Variants in SESN1 observed in about 807,000 individuals in gnomAD.
The protein encoded by SESN1 is sestrin-1.
Under a neutral mutation model 59.3 loss-of-function variants are expected in SESN1, and 30 were observed. The ratio of observed to expected loss-of-function variants is 0.51; its 90% confidence interval spans 0.38 to 0.69. The LOEUF is 0.69. SESN1 is among the 30% of genes least tolerant of loss of function. The pLI, the probability that SESN1 is intolerant of heterozygous loss-of-function variation, is 0.00. For missense variants in SESN1, 566 were observed against 673.0 expected (o/e 0.84, Z 1.76); for synonymous variants, 197 against 219.9 (o/e 0.90, Z 0.92).
At chr6:109,085,332 T>G (rs1781194761) in intron 1 of SESN1, among the ~76,000 whole-genome samples, 1 of 151,948 alleles carries the variant, frequency 6.6e-6, no homozygotes, top group African/African-American at 2.4e-5. Flanking sequence ...ATCCTGGCTA[T>G]CATGGTGAAA....
rs1032225855 is a variant in SESN1, at chr6:109,094,238, T to C, written c.-165A>G. On this transcript the variant is annotated 5_prime_UTR_variant, in exon 1 of 10. Coordinates refer to ENST00000436639, the MANE Select transcript of SESN1 (RefSeq NM_014454.3). The stretch of plus-strand genomic sequence containing the variant: ...TGGAACCACTGGTGCCTTCAGCCGA[T>C]CTACAAGCTAGGTCACCCTCTCACC... 1.4e-6 allele frequency: 1 copy of C among 698,054 alleles called. No individual in the cohort carries two copies. The highest frequency in any genetic ancestry group is 2.4e-6 in the Non-Finnish European group (1 of 424,786). The allele number at this position is 698,054 out of a possible 1,614,324, so 43.2% of individuals were successfully genotyped here.
intron 1 of SESN1, among the ~76,000 whole-genome samples, chr6:109,033,276 A>C (rs1340829279): frequency 6.6e-6 from 1 of 152,192 alleles, no homozygotes; most frequent in Admixed American, 6.5e-5. Context: ...GTGGAAATGA[A>C]ATGAAGTAAA....
At chr6:109,063,898 A>C (rs923255190) in intron 1 of SESN1, among the ~76,000 whole-genome samples, 1 of 152,174 alleles carries the variant, frequency 6.6e-6, no homozygotes, top group Non-Finnish European at 1.5e-5. Flanking sequence ...CCTTTAAAAA[A>C]AAAAGAAAAA....
At chr6:109,093,698 A>T in intron 1 of SESN1, 97 bp downstream of exon 1, 2 of 1,235,744 alleles carry the variant, frequency 1.6e-6, no homozygotes, top group Non-Finnish European at 2.3e-6. Flanking sequence ...ATAAAAGTTT[A>T]CATAACAACC....
At chr6:109,093,700 A>C (rs139379265) in intron 1 of SESN1, 95 bp downstream of exon 1, 202 of 1,261,696 alleles carry the variant, frequency 1.6e-4, no homozygotes, top group Non-Finnish European at 2.0e-4. Flanking sequence ...AAAAGTTTAC[A>C]TAACAACCTA....
intron 1 of SESN1, among the ~76,000 whole-genome samples, chr6:109,033,201 C>T (rs1159263417): frequency 6.6e-6 from 1 of 151,972 alleles, no homozygotes; most frequent in Non-Finnish European, 1.5e-5. Flanking sequence ...TAAAGACACA[C>T]TTTAAGCTAA....
chr6:109,016,984 C>T (rs1011487), intron 1 of SESN1, among the ~76,000 whole-genome samples: 20,298 of 151,648 alleles, frequency 0.13, 1,888 homozygotes, highest in Non-Finnish European at 0.21. Context: ...AATATATGTT[C>T]GTATAAGTTT....
At chr6:109,002,253 C>G in intron 2 of SESN1, 25 bp downstream of exon 2, 1 of 1,602,348 alleles carries the variant, frequency 6.2e-7, no homozygotes, top group Non-Finnish European at 8.6e-7. Context: ...ATACAGTTCA[C>G]TATGTACTTT....
chr6:108,998,656 C>T lies in SESN1; in HGVS notation c.829G>A (p.Gly277Ser), dbSNP rs1220310443. ...TGAATTTCTGGACTGATTCCACAGC[C>T]GAATGTGAATGAGGCAAGAGAATGA... Reference protein sequence around the residue: ...HYHSLASFTFGCGISPEIHCD... With the variant: ...HYHSLASFTFSCGISPEIHCD... The change falls in exon 5 of 10, where the codon GGC becomes AGC. Residue 277 changes from glycine to serine, a missense_variant. By Grantham distance (56) the Gly-to-Ser change is moderately conservative. Transcript: ENST00000436639. 1.9e-6 allele frequency: 3 copies of T among 1,613,654 alleles called. No homozygotes were observed. The highest frequency in any genetic ancestry group is 4.5e-5 in the East Asian group (2 of 44,866).
In SESN1 at chr6:109,000,568, G is replaced by C. The variant is rs749261620; in HGVS notation, c.652C>G (p.Gln218Glu). The C allele has an allele frequency of 6.2e-7, 1 of 1,612,284 alleles. No homozygotes were observed. Among genetic ancestry groups the C allele is most frequent in the Admixed American group, 1.7e-5 (1 of 59,836 alleles). The stretch of plus-strand genomic sequence containing the variant: ...AGTTCTCCTAAATTCTGTAGTTTTT[G>C]AGGAGCATTCTCTAAACCATTGAGC... ...KWLNGLENAP[Q>E]KLQNLGELNK... Residue 218 changes from glutamine (Q) to glutamate (E), a missense_variant, in exon 4 of 10, where the codon CAA becomes GAA. Coordinates refer to ENST00000436639, the MANE Select transcript of SESN1 (RefSeq NM_014454.3).
intron 1 of SESN1, among the ~76,000 whole-genome samples, chr6:109,084,279 G>A (rs1562477158): frequency 6.6e-6 from 1 of 152,096 alleles, no homozygotes; most frequent in African/African-American, 2.4e-5. Context: ...TTAGGAATTA[G>A]GCCAGGCACA....
At chr6:109,005,467 T>C (rs767437764) in intron 1 of SESN1, among the ~76,000 whole-genome samples, 14 of 152,302 alleles carry the variant, frequency 9.2e-5, no homozygotes, top group Non-Finnish European at 1.5e-4. Flanking sequence ...TGACAGCACA[T>C]AGGTTTAGAA....
intron 1 of SESN1, among the ~76,000 whole-genome samples, chr6:109,043,709 T>C (rs1171312873): frequency 6.6e-6 from 1 of 152,026 alleles, no homozygotes; most frequent in African/African-American, 2.4e-5. Flanking sequence ...AAAATCCAAA[T>C]AAGTGGAGAA....
chr6:109,004,612 A>G (rs1779692970), intron 1 of SESN1, among the ~76,000 whole-genome samples: 1 of 152,014 alleles, frequency 6.6e-6, no homozygotes, highest in South Asian at 2.1e-4. Flanking sequence ...TTGTATTTTT[A>G]GTAGAGACAG....
At chr6:109,069,172 C>T (rs1266718528) in intron 1 of SESN1, among the ~76,000 whole-genome samples, 1 of 151,812 alleles carries the variant, frequency 6.6e-6, no homozygotes, top group Admixed American at 6.6e-5. Context: ...AGAAGGCCAT[C>T]GTGGCAAAAT....
In SESN1 at chr6:108,987,429, G is replaced by GC. The variant is rs1258082236; in HGVS notation, c.*114dup. Reference sequence around the variant, plus strand: ...AATAGCAGAAACTAAAGGAATCATGGCACAATGGATTTCTGAATTATTTTG... The same window carrying GC: ...AATAGCAGAAACTAAAGGAATCATGGCCACAATGGATTTCTGAATTATTTTG... On this transcript the variant is annotated 3_prime_UTR_variant, in exon 10 of 10. Coordinates refer to ENST00000436639, the MANE Select transcript of SESN1 (RefSeq NM_014454.3). 1 of 584,994 alleles carries GC rather than the reference G, an allele frequency of 1.7e-6. No individual in the cohort carries two copies. Among genetic ancestry groups the GC allele is most frequent in the East Asian group, 2.8e-5 (1 of 35,630 alleles). 36.2% of individuals were successfully genotyped at this position (584,994 alleles called of 1,614,324 possible).
chr6:109,039,108 G>A (rs1562465880), intron 1 of SESN1, among the ~76,000 whole-genome samples: 1 of 144,108 alleles, frequency 6.9e-6, no homozygotes, highest in Non-Finnish European at 1.5e-5. Context: ...GGGAGGAGAA[G>A]GAGAAGGAAG....
At chr6:109,009,342 G>T in intron 1 of SESN1, 1 of 1,467,944 alleles carries the variant, frequency 6.8e-7, no homozygotes. Context: ...GGCCCGCTCA[G>T]CCCCTCGCCC....
rs764776206 is a variant in SESN1, at chr6:108,987,454, G to A, written c.*90C>T. The A allele has an allele frequency of 1.6e-6, 1 of 616,506 alleles. No individual in the cohort carries two copies. 38.2% of individuals were successfully genotyped at this position (616,506 alleles called of 1,614,324 possible). On this transcript the variant is annotated 3_prime_UTR_variant, in exon 10 of 10. Transcript: ENST00000436639. ...GCACAATGGATTTCTGAATTATTTT[G>A]TCTACCATTGGTCCTGGGGCTTAGT...
Sources: allele counts gnomAD v4.1 joint callset (sites outside exome capture counted in the v4.1 genomes callset), GRCh38; gene constraint gnomAD v4.1.1; transcripts MANE v1.5; gene names NCBI Gene and HGNC (gene_info 2026-07-23, HGNC 2026-07-21).